The following SLC9A9 variants were observed in gnomAD, a reference collection of about 807,000 sequenced individuals.
SLC9A9 encodes the protein solute carrier family 9 member A9, also known as sodium/hydrogen exchanger 9.
A neutral mutation model predicts 77.8 loss-of-function variants in SLC9A9; 62 were observed. The ratio of observed to expected loss-of-function variants is 0.80; its 90% CI spans 0.65 to 0.98. SLC9A9 has a LOEUF of 0.98. Ranked by LOEUF, SLC9A9 falls within the 50% of genes least tolerant of loss-of-function variation. The pLI, the probability that SLC9A9 is intolerant of heterozygous loss-of-function variation, is 0.00. For missense variants in SLC9A9, 775 were observed against 774.9 expected, an observed-to-expected ratio of 1.00 and a Z score of 0.00; for synonymous variants, 320 against 283.5, an observed-to-expected ratio of 1.13 and a Z score of -1.29.
At chr3:143,571,016 G>T (rs1443689459) in intron 8 of SLC9A9, among the ~76,000 whole-genome samples, 1 of 152,052 alleles carries the variant, frequency 6.6e-6, no homozygotes. Flanking sequence ...TTTTCAAATA[G>T]AATTGTATGT....
intron 5 of SLC9A9, among the ~76,000 whole-genome samples, chr3:143,673,569 G>A (rs866734887): frequency 3.3e-5 from 5 of 150,166 alleles, no homozygotes; most frequent in African/African-American, 9.8e-5. Flanking sequence ...GATGGAGTAG[G>A]GAAGGGTGGG....
At chr3:143,613,278 G>T (rs946640955) in intron 6 of SLC9A9, among the ~76,000 whole-genome samples, 1 of 152,132 alleles carries the variant, frequency 6.6e-6, no homozygotes, top group Non-Finnish European at 1.5e-5. Context: ...TGTGAAAAAG[G>T]AATTTCAAAT....
At chr3:143,460,418 C>CA (rs1434390619) in intron 12 of SLC9A9, among the ~76,000 whole-genome samples, 2 of 143,546 alleles carry the variant, frequency 1.4e-5, no homozygotes, top group African/African-American at 5.2e-5. Context: ...CTACTGCATT[C>CA]AAAATCACTT....
chr3:143,606,727 T>C (rs1008146199), intron 6 of SLC9A9, among the ~76,000 whole-genome samples: 1 of 151,560 alleles, frequency 6.6e-6, no homozygotes, highest in African/African-American at 2.4e-5. Context: ...AACCGAGAAT[T>C]AGAACAGGAT....
intron 4 of SLC9A9, among the ~76,000 whole-genome samples, chr3:143,722,568 G>A (rs573955494): frequency 1.3e-5 from 2 of 151,138 alleles, no homozygotes; most frequent in African/African-American, 4.9e-5. Context: ...GCTTCTCAGA[G>A]GCTCACAAAA....
intron 14 of SLC9A9, among the ~76,000 whole-genome samples, chr3:143,280,763 G>C (rs1938193545): frequency 6.6e-6 from 1 of 152,032 alleles, no homozygotes. Context: ...ATGTTGGACA[G>C]GCTGGTCTCG....
chr3:143,804,911 T>A (rs1293499868), intron 2 of SLC9A9, among the ~76,000 whole-genome samples: 1 of 152,198 alleles, frequency 6.6e-6, no homozygotes, highest in East Asian at 1.9e-4. Context: ...GTTGACTGTT[T>A]AGCTGCAGTT....
chr3:143,776,460 G>T (rs550697864), intron 4 of SLC9A9, among the ~76,000 whole-genome samples: 102 of 152,266 alleles, frequency 6.7e-4, no homozygotes, highest in African/African-American at 2.5e-3. Context: ...AGCAAAGCAG[G>T]TTATGAAAAC....
intron 2 of SLC9A9, among the ~76,000 whole-genome samples, chr3:143,810,255 T>A (rs927716755): frequency 6.6e-6 from 1 of 152,220 alleles, no homozygotes; most frequent in Non-Finnish European, 1.5e-5. Flanking sequence ...ATTTCCAAGT[T>A]CATCAGAAGG....
intron 6 of SLC9A9, among the ~76,000 whole-genome samples, chr3:143,579,142 T>C (rs1444890528): frequency 6.6e-6 from 1 of 152,228 alleles, no homozygotes; most frequent in African/African-American, 2.4e-5. Context: ...TGTGCACAAA[T>C]GGGTGATACA....
intron 6 of SLC9A9, among the ~76,000 whole-genome samples, chr3:143,648,575 G>T (rs2038743425): frequency 6.6e-6 from 1 of 152,118 alleles, no homozygotes; most frequent in African/African-American, 2.4e-5. Context: ...TGAGGACCCC[G>T]ATCTAGGTTT....
At chr3:143,843,931 T>C (rs1236110887) in intron 1 of SLC9A9, among the ~76,000 whole-genome samples, 1 of 152,198 alleles carries the variant, frequency 6.6e-6, no homozygotes, top group East Asian at 1.9e-4. Context: ...TGGATTCTAA[T>C]CCTTCAATTT....
intron 13 of SLC9A9, among the ~76,000 whole-genome samples, chr3:143,364,564 T>C (rs1002558707): frequency 6.6e-6 from 1 of 152,158 alleles, no homozygotes; most frequent in Admixed American, 6.5e-5. Flanking sequence ...CATATTGATT[T>C]GCTTTTATTT....
In SLC9A9 at chr3:143,628,434, T is replaced by C. The variant is rs1398033451; in HGVS notation, c.755+23821A>G. On this transcript the variant is annotated intron_variant, in intron 6 of 15. Coordinates refer to ENST00000316549, the MANE Select transcript of SLC9A9 (RefSeq NM_173653.4). ...ATATAATGTTGAGTACCTCATATCATGTATTGAATACTGTTCCAAAAGTGA... is the reference window on the plus strand; with the variant it reads ...ATATAATGTTGAGTACCTCATATCACGTATTGAATACTGTTCCAAAAGTGA... Among the ~76,000 whole-genome samples the C allele has an allele frequency of 2.0e-5, 3 of 152,240 alleles. No homozygotes were observed. In the East Asian group the frequency reaches 5.8e-4, roughly 29 times the overall value.
intron 4 of SLC9A9, among the ~76,000 whole-genome samples, chr3:143,782,201 T>A (rs942426909): frequency 2.0e-5 from 3 of 152,226 alleles, no homozygotes; most frequent in Non-Finnish European, 4.4e-5. Context: ...CTGGATAATA[T>A]GGATTAAATG....
At chr3:143,597,217 G>A (rs745789172) in intron 6 of SLC9A9, among the ~76,000 whole-genome samples, 2 of 152,148 alleles carry the variant, frequency 1.3e-5, no homozygotes, top group Non-Finnish European at 2.9e-5. Context: ...TTCATGCTTG[G>A]CTTGGAGCCA....
chr3:143,381,342 T>A (rs1291719916), intron 13 of SLC9A9: 3 of 152,524 alleles, frequency 2.0e-5, no homozygotes, highest in Non-Finnish European at 2.9e-5. Context: ...AAAAACAGTT[T>A]CCCTGCACAA....
At chr3:143,629,705 T>C (rs563758310) in intron 6 of SLC9A9, among the ~76,000 whole-genome samples, 1 of 151,970 alleles carries the variant, frequency 6.6e-6, no homozygotes, top group Admixed American at 6.6e-5. Flanking sequence ...GAAAGAGCTG[T>C]CCAGGAAAGA....
At chr3:143,586,224 G>A (rs1318891979) in intron 6 of SLC9A9, among the ~76,000 whole-genome samples, 1 of 152,246 alleles carries the variant, frequency 6.6e-6, no homozygotes, top group African/African-American at 2.4e-5. Context: ...CATCCTAACT[G>A]CTGGGGAGAC....
Sources: gnomAD v4.1 joint callset for allele counts (sites outside exome capture counted in the v4.1 genomes callset) on GRCh38, gnomAD v4.1.1 for gene constraint, MANE v1.5 for transcripts, NCBI Gene and HGNC (gene_info 2026-07-23, HGNC 2026-07-21) for gene names.